GRIN2A: variants seen among roughly 807,000 people sequenced by gnomAD.
The protein encoded by GRIN2A is glutamate receptor ionotropic, NMDA 2A.
In GRIN2A, 22 loss-of-function variants were observed where a neutral mutation model predicts 113.4. The observed-to-expected ratio is 0.19, with a 90% confidence interval of 0.14 to 0.28. The LOEUF is 0.28. GRIN2A is among the 10% of genes least tolerant of loss of function. The pLI is 1.00. For synonymous variants in GRIN2A, 827 were observed against 738.4 expected (o/e 1.12, Z -1.94); for missense variants, 1,502 against 1,887.0 (o/e 0.80, Z 3.78).
intron 2 of GRIN2A, among the ~76,000 whole-genome samples, chr16:9,976,410 C>T (rs773463417): frequency 2.6e-5 from 4 of 152,192 alleles, no homozygotes; most frequent in Non-Finnish European, 5.9e-5. Context: ...TCTCCTGTAA[C>T]CAAACAAGTT....
rs535971198 is a variant in GRIN2A, at chr16:9,860,392, G to A, written c.1123-10431C>T. On this transcript the variant is annotated intron_variant, in intron 4 of 12. Coordinates refer to ENST00000330684, the MANE Select transcript of GRIN2A (RefSeq NM_001134407.3). ...GAACCCAGGAGGCGGAGGTTGCAGT[G>A]AGCTGAGATTGCACCACTGCACTCC... 5.0e-5 allele frequency among the ~76,000 whole-genome samples: 7 copies of A among 139,582 alleles called. No homozygotes were observed. The East Asian group carries it at 1.5e-3, about 31-fold the overall frequency. 91.6% of individuals were successfully genotyped at this position (139,582 alleles called of 152,430 possible).
At chr16:10,039,808 G>GGGAGAGAGAGAGAGAGAGA (rs1555469298) in intron 2 of GRIN2A, among the ~76,000 whole-genome samples, 12 of 63,824 alleles carry the variant, frequency 1.9e-4, no homozygotes, top group African/African-American at 7.8e-4. Flanking sequence ...GGGAGGGGGG[G>GGGAGAGAGAGAGAGAGAGA]GAGAAAGAGA....
At chr16:9,765,537 G>C (rs77443600) in intron 12 of GRIN2A, among the ~76,000 whole-genome samples, 1 of 152,170 alleles carries the variant, frequency 6.6e-6, no homozygotes, top group Non-Finnish European at 1.5e-5. Flanking sequence ...AAATTCATGT[G>C]AGGCTCATCA....
intron 2 of GRIN2A, among the ~76,000 whole-genome samples, chr16:10,091,439 C>T (rs13335098): frequency 0.11 from 15,841 of 147,182 alleles, 1,586 homozygotes; most frequent in African/African-American, 0.27. Context: ...CTACCAAATA[C>T]GTATGTATGT....
intron 2 of GRIN2A, among the ~76,000 whole-genome samples, chr16:9,992,052 G>C (rs1368060934): frequency 1.3e-5 from 2 of 152,108 alleles, no homozygotes; most frequent in African/African-American, 2.4e-5. Context: ...ATGTATCCCA[G>C]AACTTAAAGT....
chr16:9,764,313 A>C lies in GRIN2A; in HGVS notation c.3231T>G (p.Ser1077Arg), dbSNP rs1196431210. 6.2e-7 allele frequency: 1 copy of C among 1,613,960 alleles called. No individual in the cohort carries two copies. Among genetic ancestry groups the C allele is most frequent in the East Asian group, 2.2e-5 (1 of 44,856 alleles). Residue 1077 changes from serine to arginine, a missense_variant, in exon 13 of 13, where the codon AGT becomes AGG. By Grantham distance (110) the Ser-to-Arg change is moderately radical. This residue lies in a region of GRIN2A where 832 missense variants were observed against 789.7 expected (regional missense o/e 1.05). Coordinates refer to ENST00000330684, the MANE Select transcript of GRIN2A (RefSeq NM_001134407.3). Reference protein sequence around the residue: ...RATCHREPDNSKNHKTKDNFK... With the variant: ...RATCHREPDNRKNHKTKDNFK... The stretch of plus-strand genomic sequence containing the variant: ...AGTTGTCCTTGGTTTTGTGGTTCTT[A>C]CTGTTGTCAGGTTCCCTGTGGCACG...
chr16:9,939,088 A>T (rs1441091533), intron 2 of GRIN2A, among the ~76,000 whole-genome samples: 2 of 152,210 alleles, frequency 1.3e-5, no homozygotes, highest in East Asian at 1.9e-4. Context: ...TACGGCTCCC[A>T]CATAATACAG....
chr16:10,153,042 T>C (rs940639386), intron 2 of GRIN2A, among the ~76,000 whole-genome samples: 1 of 152,184 alleles, frequency 6.6e-6, no homozygotes, highest in Non-Finnish European at 1.5e-5. Context: ...TTCAAACCCA[T>C]AGAATGTACA....
chr16:9,997,939 C>A (rs1243873278), intron 2 of GRIN2A, among the ~76,000 whole-genome samples: 1 of 152,224 alleles, frequency 6.6e-6, no homozygotes, highest in Non-Finnish European at 1.5e-5. Context: ...CATTAAACCT[C>A]TTTTTCTTTG....
intron 10 of GRIN2A, among the ~76,000 whole-genome samples, chr16:9,810,386 GCC>G (rs2042063769): frequency 6.6e-6 from 1 of 152,170 alleles, no homozygotes; most frequent in Non-Finnish European, 1.5e-5. Flanking sequence ...CCACACTACA[GCC>G]TAGGTGAGTA....
At chr16:10,152,423 A>T (rs1414082845) in intron 2 of GRIN2A, among the ~76,000 whole-genome samples, 3 of 152,188 alleles carry the variant, frequency 2.0e-5, no homozygotes, top group African/African-American at 4.8e-5. Context: ...CGTGGACATA[A>T]TGATGGTTCA....
intron 11 of GRIN2A, among the ~76,000 whole-genome samples, chr16:9,795,634 A>C (rs770484871): frequency 6.6e-6 from 1 of 152,164 alleles, no homozygotes; most frequent in Admixed American, 6.5e-5. Context: ...CATTTATTGA[A>C]CCACTTGTAT....
chr16:9,760,314 G>C lies in GRIN2A; in HGVS notation c.*2835C>G, dbSNP rs886052538. ...TTTTTGCAAAGACTGAACTGACTTAGATGACCTTTGAATAACTCTACATCT... is the reference window on the plus strand; with the variant it reads ...TTTTTGCAAAGACTGAACTGACTTACATGACCTTTGAATAACTCTACATCT... On this transcript the variant is annotated 3_prime_UTR_variant, in exon 13 of 13. Transcript: ENST00000330684. 7 of 201,500 alleles carry C rather than the reference G, an allele frequency of 3.5e-5. No individual in the cohort carries two copies. Among genetic ancestry groups the C allele is most frequent in the African/African-American group, 1.4e-4 (6 of 42,514 alleles). The allele number at this position is 201,500 out of a possible 1,614,324, so 12.5% of individuals were successfully genotyped here.
chr16:9,813,715 G>T (rs897134620), intron 10 of GRIN2A, among the ~76,000 whole-genome samples: 2 of 151,026 alleles, frequency 1.3e-5, no homozygotes, highest in South Asian at 4.2e-4. Flanking sequence ...AAAAAAAGAT[G>T]TCTGTGTTTA....
At chr16:9,818,621 A>G (rs988384188) in intron 10 of GRIN2A, among the ~76,000 whole-genome samples, 1 of 152,212 alleles carries the variant, frequency 6.6e-6, no homozygotes, top group Non-Finnish European at 1.5e-5. Context: ...AGAAATATTA[A>G]TAAAAGTAAA....
rs546466198 is a variant in GRIN2A at position 10,161,525 on chromosome 16, A to C, written c.414+18473T>G. 5.9e-5 allele frequency among the ~76,000 whole-genome samples: 9 copies of C among 152,348 alleles called. No individual in the cohort carries two copies. The East Asian group carries it at 1.7e-3, about 29-fold the overall frequency. On this transcript the variant is annotated intron_variant, in intron 2 of 12. Coordinates refer to ENST00000330684, the MANE Select transcript of GRIN2A (RefSeq NM_001134407.3). ...TGAGGTAGGAACCAAAATCTGCATG[A>C]ATTTTTAAGATCAAATTCAGAGAAA...
chr16:9,953,210 T>C (rs993914560), intron 2 of GRIN2A, among the ~76,000 whole-genome samples: 2 of 152,178 alleles, frequency 1.3e-5, no homozygotes, highest in African/African-American at 4.8e-5. Context: ...TACATTCAAC[T>C]GGTCTTGGCA....
chr16:9,847,866 T>A (rs1328606881), intron 5 of GRIN2A, among the ~76,000 whole-genome samples: 2 of 147,968 alleles, frequency 1.4e-5, no homozygotes, highest in South Asian at 2.1e-4. Flanking sequence ...GGCTGACATT[T>A]GTGACCTCAT....
intron 2 of GRIN2A, among the ~76,000 whole-genome samples, chr16:10,120,809 T>G (rs1041890524): frequency 6.6e-6 from 1 of 152,072 alleles, no homozygotes; most frequent in African/African-American, 2.4e-5. Context: ...TGCAGATTGC[T>G]ACCAGAAGCC....
Sources: gnomAD v4.1 joint callset for allele counts (sites outside exome capture counted in the v4.1 genomes callset) on GRCh38, gnomAD v4.1.1 for gene constraint, gnomAD v4.1.1 regional missense constraint, MANE v1.5 for transcripts, NCBI Gene and HGNC (gene_info 2026-07-23, HGNC 2026-07-21) for gene names.